The following CNTNAP2 variants were observed in gnomAD, a reference collection of about 807,000 sequenced individuals.
The protein encoded by CNTNAP2 is contactin associated protein 2, also known as contactin-associated protein-like 2.
A neutral mutation model predicts 155.2 loss-of-function variants in CNTNAP2; 98 were observed. That is an observed-to-expected ratio of 0.63 (90% confidence interval 0.54 to 0.75). The LOEUF is 0.75. Among genes scored for constraint, CNTNAP2 ranks in the 30% least tolerant of loss-of-function variants. The probability of loss-of-function intolerance (pLI) is 0.00; values close to 1 mark genes in which losing one functional copy is unlikely to be tolerated. For missense variants in CNTNAP2, 1,727 were observed against 1,688.1 expected (o/e 1.02, Z -0.40); for synonymous variants, 651 against 631.2 (o/e 1.03, Z -0.47).
At chr7:146,285,392 A>C (rs1001703986) in intron 1 of CNTNAP2, among the ~76,000 whole-genome samples, 1 of 152,140 alleles carries the variant, frequency 6.6e-6, no homozygotes. Flanking sequence ...ATACAGAAAC[A>C]TCTGAATCAG....
chr7:147,103,814 C>T (rs1800701638), intron 4 of CNTNAP2, among the ~76,000 whole-genome samples: 1 of 151,814 alleles, frequency 6.6e-6, no homozygotes, highest in South Asian at 2.1e-4. Flanking sequence ...CCCCAAATAT[C>T]AATAATGCAG....
At chr7:147,045,821 CAT>C (rs979501270) in intron 4 of CNTNAP2, among the ~76,000 whole-genome samples, 11 of 152,014 alleles carry the variant, frequency 7.2e-5, no homozygotes, top group Admixed American at 3.3e-4. Context: ...CACACACACA[CAT>C]ATATATAGGT....
chr7:148,407,016 G>A (rs1395884193), intron 22 of CNTNAP2, among the ~76,000 whole-genome samples: 1 of 152,116 alleles, frequency 6.6e-6, no homozygotes, highest in East Asian at 1.9e-4. Context: ...ATTGTTCACT[G>A]TATATCCTCA....
At chr7:148,358,336 G>T (rs1007077730) in intron 21 of CNTNAP2, among the ~76,000 whole-genome samples, 5 of 152,196 alleles carry the variant, frequency 3.3e-5, no homozygotes, top group Non-Finnish European at 7.3e-5. Context: ...AGGATGAAAT[G>T]GGGGGAAGAA....
chr7:148,414,350 G>A (rs1015402897), intron 23 of CNTNAP2, among the ~76,000 whole-genome samples: 7 of 152,162 alleles, frequency 4.6e-5, no homozygotes, highest in African/African-American at 1.7e-4. Flanking sequence ...AAAGTGCTGG[G>A]ATTACAGGCG....
At chr7:146,440,103 A>C (rs936015075) in intron 1 of CNTNAP2, among the ~76,000 whole-genome samples, 5 of 151,666 alleles carry the variant, frequency 3.3e-5, no homozygotes, top group Non-Finnish European at 7.3e-5. Context: ...CCCTGTGGGC[A>C]ACAGAGAGCG....
At chr7:146,680,928 A>G (rs1390388524) in intron 1 of CNTNAP2, among the ~76,000 whole-genome samples, 1 of 152,170 alleles carries the variant, frequency 6.6e-6, no homozygotes, top group African/African-American at 2.4e-5. Flanking sequence ...GCTGGACTTA[A>G]TATGGATTAC....
At chr7:146,844,946 A>G (rs1206424740) in intron 3 of CNTNAP2, among the ~76,000 whole-genome samples, 1 of 152,140 alleles carries the variant, frequency 6.6e-6, no homozygotes, top group Non-Finnish European at 1.5e-5. Flanking sequence ...ATCATATTTA[A>G]ATTATATGGT....
intron 18 of CNTNAP2, among the ~76,000 whole-genome samples, chr7:148,173,998 AG>A (rs2116693569): frequency 6.6e-6 from 1 of 152,330 alleles, no homozygotes; most frequent in East Asian, 1.9e-4. Flanking sequence ...ATAGAAAGGC[AG>A]GGGCATATCC....
chr7:146,189,138 T>G (rs1440393823), intron 1 of CNTNAP2, among the ~76,000 whole-genome samples: 1 of 152,198 alleles, frequency 6.6e-6, no homozygotes, highest in East Asian at 1.9e-4. Flanking sequence ...GCTTCAATTT[T>G]AGACATTTTC....
At chr7:148,363,263 G>A (rs1563057886) in intron 21 of CNTNAP2, among the ~76,000 whole-genome samples, 3 of 152,208 alleles carry the variant, frequency 2.0e-5, no homozygotes, top group South Asian at 2.1e-4. Context: ...GATTACAGGC[G>A]TGAGCCACCA....
intron 1 of CNTNAP2, among the ~76,000 whole-genome samples, chr7:146,503,828 ATTAC>A (rs1797341458): frequency 6.6e-6 from 1 of 151,944 alleles, no homozygotes; most frequent in Non-Finnish European, 1.5e-5. Context: ...TGTTGTTTTG[ATTAC>A]TGTCAGGTTC....
intron 1 of CNTNAP2, among the ~76,000 whole-genome samples, chr7:146,326,215 A>G (rs1480873273): frequency 3.9e-5 from 6 of 152,172 alleles, no homozygotes; most frequent in Non-Finnish European, 8.8e-5. Flanking sequence ...CATGCCTGAT[A>G]ATGCAGAGGA....
At chr7:147,055,974 C>G (rs1480009131) in intron 4 of CNTNAP2, among the ~76,000 whole-genome samples, 3 of 152,132 alleles carry the variant, frequency 2.0e-5, no homozygotes, top group African/African-American at 7.2e-5. Flanking sequence ...GGCCTTATAC[C>G]ACAAGCTCTT....
At chr7:147,657,976 G>A (rs1315294689) in intron 13 of CNTNAP2, among the ~76,000 whole-genome samples, 1 of 118,188 alleles carries the variant, frequency 8.5e-6, no homozygotes, top group Non-Finnish European at 2.0e-5. Flanking sequence ...AGCCGACCTG[G>A]CCGGGCGCGG....
chr7:147,206,533 A>G (rs954949406), intron 8 of CNTNAP2, among the ~76,000 whole-genome samples: 9 of 152,196 alleles, frequency 5.9e-5, no homozygotes, highest in African/African-American at 2.2e-4. Flanking sequence ...ACTGCACTCC[A>G]GCCTGGGTTC....
chr7:147,040,047 A>G (rs552728752), intron 3 of CNTNAP2, among the ~76,000 whole-genome samples: 13 of 152,344 alleles, frequency 8.5e-5, no homozygotes, highest in Non-Finnish European at 1.9e-4. Flanking sequence ...AATATTTGCA[A>G]ACTTTGCACC....
At chr7:147,188,612 G>T (rs1195183389) in intron 8 of CNTNAP2, among the ~76,000 whole-genome samples, 1 of 152,102 alleles carries the variant, frequency 6.6e-6, no homozygotes, top group Non-Finnish European at 1.5e-5. Flanking sequence ...TGTTTTCTTT[G>T]GTTGTCCCTC....
chr7:146,950,495 C>T (rs769129986), intron 3 of CNTNAP2, among the ~76,000 whole-genome samples: 3 of 152,020 alleles, frequency 2.0e-5, no homozygotes, highest in Non-Finnish European at 2.9e-5. Context: ...CTCTCTGTGT[C>T]CGTGTGTTCT....
Sources: gnomAD v4.1 joint callset for allele counts (sites outside exome capture counted in the v4.1 genomes callset) on GRCh38, gnomAD v4.1.1 for gene constraint, MANE v1.5 for transcripts, NCBI Gene and HGNC (gene_info 2026-07-23, HGNC 2026-07-21) for gene names.